TP63: variants seen among roughly 807,000 people sequenced by gnomAD.
The protein encoded by TP63 is tumor protein 63.
TP63 carries 17 observed loss-of-function variants against 82.8 expected under a neutral mutation model. The observed-to-expected ratio is 0.21, with a 90% CI of 0.14 to 0.31. TP63 has a LOEUF of 0.31. Among genes scored for constraint, TP63 ranks in the 10% least tolerant of loss-of-function variants. The pLI, the probability that TP63 is intolerant of heterozygous loss-of-function variation, is 1.00. For missense variants in TP63, 648 were observed against 895.3 expected (o/e 0.72, Z 3.52); for synonymous variants, 330 against 321.7 (o/e 1.03, Z -0.28).
intron 3 of TP63, among the ~76,000 whole-genome samples, chr3:189,758,320 A>G (rs980442129): frequency 1.8e-4 from 28 of 152,210 alleles, no homozygotes; most frequent in African/African-American, 6.5e-4. Flanking sequence ...TGTGTGGTCC[A>G]GTTCCTAACA....
At chr3:189,808,041 A>G (rs1577002592) in intron 3 of TP63, among the ~76,000 whole-genome samples, 2 of 152,214 alleles carry the variant, frequency 1.3e-5, no homozygotes, top group Non-Finnish European at 2.9e-5. Context: ...GTCAGTCTCC[A>G]GAGGTGGCAC....
chr3:189,727,189 C>T (rs1040747441), intron 1 of TP63, among the ~76,000 whole-genome samples: 11 of 152,192 alleles, frequency 7.2e-5, no homozygotes, highest in African/African-American at 1.2e-4. Flanking sequence ...AAATCAAACC[C>T]AATCACTTAC....
chr3:189,762,187 A>T (rs1411701995), intron 3 of TP63, among the ~76,000 whole-genome samples: 2 of 152,234 alleles, frequency 1.3e-5, no homozygotes, highest in African/African-American at 4.8e-5. Context: ...GTTAATAGAG[A>T]TTCTTTACAG....
chr3:189,723,000 G>A (rs1196958605), intron 1 of TP63, among the ~76,000 whole-genome samples: 1 of 152,166 alleles, frequency 6.6e-6, no homozygotes, highest in Admixed American at 6.6e-5. Context: ...GTGCAGATTT[G>A]TAAGCCTCAG....
intron 4 of TP63, among the ~76,000 whole-genome samples, chr3:189,828,929 A>G (rs192563898): frequency 1.3e-5 from 2 of 152,320 alleles, no homozygotes; most frequent in Admixed American, 1.3e-4. Flanking sequence ...TGCTATTATT[A>G]TAAATAGCAG....
intron 3 of TP63, among the ~76,000 whole-genome samples, chr3:189,764,526 GCTGT>G (rs1560166796): frequency 6.6e-6 from 1 of 152,152 alleles, no homozygotes; most frequent in East Asian, 1.9e-4. Flanking sequence ...TGTTCCCTTG[GCTGT>G]CTACTTTGTG....
At chr3:189,889,586 G>A in intron 12 of TP63, 102 bp downstream of exon 12, 3 of 1,517,820 alleles carry the variant, frequency 2.0e-6, no homozygotes, top group South Asian at 1.2e-5. Context: ...AGGGAAGACA[G>A]CAGTCCTGTG....
the TP63 span, among the ~76,000 whole-genome samples, chr3:189,598,205 A>G: frequency 6.6e-6 from 1 of 152,042 alleles, no homozygotes; most frequent in Admixed American, 6.6e-5. Flanking sequence ...CACAATAAAT[A>G]AAACAAATCT....
chr3:189,706,727 G>A (rs777093048), intron 1 of TP63, among the ~76,000 whole-genome samples: 19 of 152,102 alleles, frequency 1.2e-4, no homozygotes, highest in Non-Finnish European at 2.6e-4. Flanking sequence ...TCAGCCAGGC[G>A]AATTTAAAAC....
intron 1 of TP63, among the ~76,000 whole-genome samples, chr3:189,664,500 C>T (rs1016233445): frequency 6.6e-6 from 1 of 152,122 alleles, no homozygotes; most frequent in Admixed American, 6.6e-5. Context: ...GCATAGACAT[C>T]TGAATCCCAC....
At chr3:189,604,427 A>G in the TP63 span, among the ~76,000 whole-genome samples, 2 of 152,300 alleles carry the variant, frequency 1.3e-5, no homozygotes, top group South Asian at 2.1e-4. Flanking sequence ...TCTACCATCT[A>G]GCTAAATTCA....
chr3:189,617,977 A>AG, the TP63 span, among the ~76,000 whole-genome samples: 3 of 152,228 alleles, frequency 2.0e-5, no homozygotes, highest in Non-Finnish European at 4.4e-5. Flanking sequence ...CCTGGATAGC[A>AG]ACATTAACTC....
intron 3 of TP63, among the ~76,000 whole-genome samples, chr3:189,747,358 A>G (rs6800501): frequency 0.022 from 3,286 of 152,246 alleles, 121 homozygotes; most frequent in African/African-American, 0.075. Flanking sequence ...ACACAAAATA[A>G]GTCTCAAAAA....
rs186743007 is a variant in TP63, at chr3:189,768,798, T to G, written c.324+30024T>G. ...CCATAGTGAGACTTCATGTACAGATTAAATGAATGTAACGGATAAAGCATG... is the reference window on the plus strand; with the variant it reads ...CCATAGTGAGACTTCATGTACAGATGAAATGAATGTAACGGATAAAGCATG... On this transcript the variant is annotated intron_variant, in intron 3 of 13. Transcript: ENST00000264731. Among the ~76,000 whole-genome samples, 701 of 152,208 alleles carry G rather than the reference T, an allele frequency of 4.6e-3. 4 individuals are homozygous for G. The highest frequency in any genetic ancestry group is 0.027 in the South Asian group (129 of 4,824).
rs142898277 is a variant in TP63 at position 189,650,991 on chromosome 3, A to G, written c.62+19414A>G. Reference sequence around the variant, plus strand: ...CTTTGACCAAAATGCTGATAGTGATATGGACAGTGAAGTCCAGGCTGAGGT... The same window carrying G: ...CTTTGACCAAAATGCTGATAGTGATGTGGACAGTGAAGTCCAGGCTGAGGT... On this transcript the variant is annotated intron_variant, in intron 1 of 13. Coordinates refer to ENST00000264731, the MANE Select transcript of TP63 (RefSeq NM_003722.5). Among the ~76,000 whole-genome samples, 10 of 147,416 alleles carry G rather than the reference A, an allele frequency of 6.8e-5. 1 individual carries two copies. The highest frequency in any genetic ancestry group is 6.7e-4 in the Admixed American group (10 of 15,028).
At chr3:189,612,957 T>A in the TP63 span, among the ~76,000 whole-genome samples, 1 of 152,190 alleles carries the variant, frequency 6.6e-6, no homozygotes, top group African/African-American at 2.4e-5. Context: ...AGAGGTGACT[T>A]GGGTTCTGTT....
intron 3 of TP63, among the ~76,000 whole-genome samples, chr3:189,748,456 A>G (rs1326911260): frequency 1.4e-5 from 2 of 145,822 alleles, no homozygotes; most frequent in Non-Finnish European, 3.0e-5. Context: ...AAAGTAAAAC[A>G]CCTGGGAGTA....
At chr3:189,693,360 A>C (rs1296122618) in intron 1 of TP63, among the ~76,000 whole-genome samples, 1 of 152,198 alleles carries the variant, frequency 6.6e-6, no homozygotes, top group Admixed American at 6.5e-5. Flanking sequence ...AGGAACAGAC[A>C]CCCAAGAAAA....
upstream of TP63, among the ~76,000 whole-genome samples, chr3:189,628,824 C>T (rs1048096778): frequency 9.2e-5 from 14 of 152,002 alleles, no homozygotes; most frequent in African/African-American, 3.4e-4. Flanking sequence ...TTCACTTGAT[C>T]GTGTATGGTT....
Sources: allele counts gnomAD v4.1 joint callset (sites outside exome capture counted in the v4.1 genomes callset), GRCh38; gene constraint gnomAD v4.1.1; transcripts MANE v1.5; gene names NCBI Gene and HGNC (gene_info 2026-07-23, HGNC 2026-07-21).